Variants in ATXN10 observed in about 807,000 individuals in gnomAD.
The protein encoded by ATXN10 is ataxin-10.
In ATXN10, 28 loss-of-function variants were observed where a neutral mutation model predicts 52.9. That is an observed-to-expected ratio of 0.53 (90% CI 0.39 to 0.73). The LOEUF (loss-of-function observed/expected upper bound fraction) is 0.73. Ranked by LOEUF, ATXN10 falls within the 30% of genes least tolerant of loss-of-function variation. ATXN10 has a pLI of 0.00. For synonymous variants in ATXN10, 226 were observed against 221.5 expected (o/e 1.02, Z -0.18); for missense variants, 565 against 577.0 (o/e 0.98, Z 0.21).
At chr22:45,788,667 G>A (rs1023746826) in intron 9 of ATXN10, among the ~76,000 whole-genome samples, 7 of 151,870 alleles carry the variant, frequency 4.6e-5, no homozygotes, top group Admixed American at 3.3e-4. Flanking sequence ...TAGTTCATTA[G>A]TTAATGAAAG....
chr22:45,746,038 AT>A (rs1176157628), intron 9 of ATXN10, among the ~76,000 whole-genome samples: 1 of 152,000 alleles, frequency 6.6e-6, no homozygotes, highest in Non-Finnish European at 1.5e-5. Flanking sequence ...CCATCGTTTT[AT>A]TTGATCCAAA....
At chr22:45,761,247 A>G (rs1038019519) in intron 9 of ATXN10, among the ~76,000 whole-genome samples, 3 of 152,100 alleles carry the variant, frequency 2.0e-5, no homozygotes, top group Non-Finnish European at 2.9e-5. Context: ...CAGCCTCCCA[A>G]GTAGCTGGGA....
At chr22:45,699,664 G>T (rs956092286) in intron 3 of ATXN10, among the ~76,000 whole-genome samples, 3 of 151,166 alleles carry the variant, frequency 2.0e-5, no homozygotes, top group Admixed American at 1.3e-4. Flanking sequence ...GCTAATTTTT[G>T]TGTTTTCAGT....
chr22:45,807,812 G>A lies in ATXN10; in HGVS notation c.1237+790G>A, dbSNP rs1474450710. Among the ~76,000 whole-genome samples the A allele has an allele frequency of 3.9e-5, 6 of 152,298 alleles. No homozygotes were observed. The South Asian group carries it at 1.2e-3, about 32-fold the overall frequency. On this transcript the variant is annotated intron_variant, in intron 10 of 11. Coordinates refer to ENST00000252934, the MANE Select transcript of ATXN10 (RefSeq NM_013236.4). ...CACTGCTTGGCTGGTGGTGGGGCAGGGGTGAATAAGGCTACTGCAAGGACT... is the reference window on the plus strand; with the variant it reads ...CACTGCTTGGCTGGTGGTGGGGCAGAGGTGAATAAGGCTACTGCAAGGACT...
chr22:45,685,153 G>A (rs1325270678), intron 1 of ATXN10, among the ~76,000 whole-genome samples: 1 of 150,552 alleles, frequency 6.6e-6, no homozygotes, highest in Non-Finnish European at 1.5e-5. Context: ...AAATGTGTGT[G>A]CATACAGTAT....
rs975078058 is a variant in ATXN10 at position 45,833,788 on chromosome 22, C to T, written c.1238-9203C>T. ...TCAGAAACGTGCAGTCATAGCAACCCGGAAGAAGAACTGCTCTGCCCTCCA... is the reference window on the plus strand; with the variant it reads ...TCAGAAACGTGCAGTCATAGCAACCTGGAAGAAGAACTGCTCTGCCCTCCA... On this transcript the variant is annotated intron_variant, in intron 10 of 11. Coordinates refer to ENST00000252934, the MANE Select transcript of ATXN10 (RefSeq NM_013236.4). The surrounding 1 kb of genome is among the most constrained non-coding windows in gnomAD (Gnocchi z 4.3). 3.9e-5 allele frequency among the ~76,000 whole-genome samples: 6 copies of T among 152,126 alleles called. No individual in the cohort carries two copies. The highest frequency in any genetic ancestry group is 1.9e-4 in the East Asian group (1 of 5,180).
At chr22:45,785,302 G>A (rs530714944) in intron 9 of ATXN10, among the ~76,000 whole-genome samples, 16 of 152,168 alleles carry the variant, frequency 1.1e-4, no homozygotes, top group Middle Eastern at 6.3e-3. Flanking sequence ...GCTTAAAAAT[G>A]GGGATCTTTC....
At chr22:45,674,122 CA>C (rs900205976) in intron 1 of ATXN10, 1 of 152,332 alleles carries the variant, frequency 6.6e-6, no homozygotes, top group African/African-American at 2.4e-5. Context: ...AAGCTAGAGA[CA>C]GGGGGGACCT....
At chr22:45,693,355 A>G (rs962185239) in intron 3 of ATXN10, among the ~76,000 whole-genome samples, 4 of 152,154 alleles carry the variant, frequency 2.6e-5, no homozygotes, top group African/African-American at 4.8e-5. Context: ...ACAGAAATGT[A>G]TTGCTTACAG....
At chr22:45,756,839 A>G (rs1926190017) in intron 9 of ATXN10, among the ~76,000 whole-genome samples, 1 of 152,188 alleles carries the variant, frequency 6.6e-6, no homozygotes. Context: ...TTTATTTGAC[A>G]TGTTTTAGTG....
intron 3 of ATXN10, among the ~76,000 whole-genome samples, chr22:45,697,070 T>C (rs1453250847): frequency 6.6e-6 from 1 of 152,192 alleles, no homozygotes; most frequent in Non-Finnish European, 1.5e-5. Context: ...TATTTTAAAG[T>C]GAACAATCGA....
At chr22:45,749,557 C>A (rs1325543298) in intron 9 of ATXN10, among the ~76,000 whole-genome samples, 2 of 151,818 alleles carry the variant, frequency 1.3e-5, no homozygotes, top group Admixed American at 1.3e-4. Context: ...TTTTTTCTTT[C>A]CCTTTCTTTT....
chr22:45,734,906 A>G (rs1218366093), intron 7 of ATXN10, among the ~76,000 whole-genome samples: 2 of 101,428 alleles, frequency 2.0e-5, no homozygotes, highest in Non-Finnish European at 3.9e-5. Context: ...TTATTTTGAG[A>G]TAGAGTCTTG....
intron 9 of ATXN10, among the ~76,000 whole-genome samples, chr22:45,768,838 C>T (rs1021734081): frequency 3.9e-5 from 6 of 152,142 alleles, no homozygotes; most frequent in Non-Finnish European, 7.3e-5. Flanking sequence ...GAGAGATGTC[C>T]ATGGATATTT....
chr22:45,806,848 C>T, intron 9 of ATXN10, 111 bp from the exon 10 acceptor site: 1 of 830,374 alleles, frequency 1.2e-6, no homozygotes, highest in South Asian at 1.4e-5. Flanking sequence ...GATAATAGTG[C>T]AAACAATATT....
At chr22:45,834,153 C>T (rs554042288) in intron 10 of ATXN10, among the ~76,000 whole-genome samples, 22 of 152,324 alleles carry the variant, frequency 1.4e-4, no homozygotes, top group Admixed American at 3.3e-4. Flanking sequence ...AACTGACAAT[C>T]TCATTTTCAG....
At chr22:45,703,569 C>G (rs1272500808) in intron 5 of ATXN10, among the ~76,000 whole-genome samples, 1 of 152,176 alleles carries the variant, frequency 6.6e-6, no homozygotes, top group Non-Finnish European at 1.5e-5. Context: ...AGGGCCAAGG[C>G]TGTGGCTCAA....
intron 10 of ATXN10, among the ~76,000 whole-genome samples, chr22:45,808,436 CTGTTG>C (rs1928174438): frequency 1.3e-5 from 2 of 152,216 alleles, no homozygotes; most frequent in Non-Finnish European, 2.9e-5. Context: ...AATAAAAAGA[CTGTTG>C]TACACGAGCA....
At position 45,818,804 on chromosome 22, in the gene ATXN10, T is replaced by C. The variant is rs1419922798; in HGVS notation, c.1237+11782T>C. Among the ~76,000 whole-genome samples, 1 of 152,162 alleles carries C rather than the reference T, an allele frequency of 6.6e-6. No homozygotes were observed. The highest frequency in any genetic ancestry group is 1.5e-5 in the Non-Finnish European group (1 of 68,020). On this transcript the variant is annotated intron_variant, in intron 10 of 11. Transcript: ENST00000252934. This position sits in a 1 kb window ranked among gnomAD's most constrained non-coding sequence, Gnocchi z 4.6. ...TCTAAGGGCCACCATGTAACATTTA[T>C]TTGAAAACAGAAACAAAACTGTATG...
Sources: allele counts gnomAD v4.1 joint callset (sites outside exome capture counted in the v4.1 genomes callset), GRCh38; gene constraint gnomAD v4.1.1; non-coding constraint Gnocchi (gnomAD v3.1); transcripts MANE v1.5; gene names NCBI Gene and HGNC (gene_info 2026-07-23, HGNC 2026-07-21).